Variants in PEMT observed in about 807,000 individuals in gnomAD.
PEMT encodes the protein phospholipid methyltransferase.
In PEMT, 23 loss-of-function variants were observed where a neutral mutation model predicts 27.4. The observed-to-expected ratio is 0.84, with a 90% CI of 0.60 to 1.19. PEMT has a LOEUF of 1.19. Among genes scored for constraint, PEMT ranks in the 50% most tolerant of loss-of-function variants. The pLI is 0.00. For synonymous variants in PEMT, 137 were observed against 139.1 expected (o/e 0.98, Z 0.11); for missense variants, 307 against 310.1 (o/e 0.99, Z 0.07).
intron 3 of PEMT, among the ~76,000 whole-genome samples, chr17:17,520,045 G>A (rs1364439560): frequency 2.0e-5 from 3 of 152,186 alleles, no homozygotes; most frequent in African/African-American, 7.2e-5. Context: ...GCCAGCCCTG[G>A]GCTGAGTCTC....
At chr17:17,525,637 C>A (rs576972032) in intron 2 of PEMT, among the ~76,000 whole-genome samples, 1 of 152,322 alleles carries the variant, frequency 6.6e-6, no homozygotes, top group East Asian at 1.9e-4. Flanking sequence ...CACTCCGTGA[C>A]CCTGGCTCAA....
intron 1 of PEMT, among the ~76,000 whole-genome samples, chr17:17,578,016 C>CAA (rs1332805592): frequency 1.7e-5 from 1 of 60,546 alleles, no homozygotes; most frequent in Non-Finnish European, 3.9e-5. Context: ...GACTCCGTCT[C>CAA]AAAAAAAAAA....
intron 1 of PEMT, among the ~76,000 whole-genome samples, chr17:17,580,371 G>A (rs1468453293): frequency 6.6e-6 from 1 of 152,162 alleles, no homozygotes; most frequent in Non-Finnish European, 1.5e-5. Flanking sequence ...CAGCTACTCG[G>A]GAGGCTGAGG....
intron 2 of PEMT, among the ~76,000 whole-genome samples, chr17:17,525,012 C>A (rs1294160760): frequency 1.3e-5 from 2 of 152,100 alleles, no homozygotes; most frequent in Non-Finnish European, 2.9e-5. Flanking sequence ...GAGGCTGAGG[C>A]AGAAGAATTG....
intron 5 of PEMT, chr17:17,506,860 C>T (rs1305389478): frequency 2.2e-5 from 9 of 409,974 alleles, no homozygotes; most frequent in East Asian, 8.6e-5. Context: ...TAGGAGCTGC[C>T]GCCCCGCCCA....
chr17:17,506,199 GC>G (rs34890050), intron 6 of PEMT, 27 bp downstream of exon 6: 2 of 1,503,314 alleles, frequency 1.3e-6, no homozygotes, highest in Non-Finnish European at 1.8e-6. Flanking sequence ...GGGCAGCCAC[GC>G]CCCCACCCGC....
chr17:17,530,407 A>G (rs1241761369), intron 2 of PEMT, among the ~76,000 whole-genome samples: 1 of 152,166 alleles, frequency 6.6e-6, no homozygotes, highest in African/African-American at 2.4e-5. Flanking sequence ...AGGTGGGAGA[A>G]TCCCTTGAAC....
At chr17:17,507,516 A>G in intron 5 of PEMT, 1 of 366,698 alleles carries the variant, frequency 2.7e-6, no homozygotes, top group South Asian at 5.4e-5. Context: ...GTAAGCAAAG[A>G]TCCAAGCCCA....
In PEMT at chr17:17,586,216, AAAAGAAAGAAAGAAAG is replaced by A. The variant is rs745534134; in HGVS notation, c.96+5299_96+5314del. On this transcript the variant is annotated intron_variant, in intron 1 of 6. Coordinates refer to ENST00000255389, the MANE Select transcript of PEMT (RefSeq NM_148172.3). ...AAGGAAGGAAAGAAAGAAAGAAAGA[AAAAGAAAGAAAGAAAG>A]AAAGAAAGAAAGAAAGAAAGAAAGA... Among the ~76,000 whole-genome samples the A allele has an allele frequency of 5.3e-3, 424 of 79,318 alleles. 4 individuals carry two copies. Among genetic ancestry groups the A allele is most frequent in the African/African-American group, 8.9e-3 (166 of 18,754 alleles). 52.0% of individuals were successfully genotyped at this position (79,318 alleles called of 152,430 possible). A position where few individuals can be genotyped will look rare whatever the true frequency, so the allele number is the denominator to read the frequency against.
intron 1 of PEMT, among the ~76,000 whole-genome samples, chr17:17,583,710 C>G (rs1159669872): frequency 6.6e-6 from 1 of 152,250 alleles, no homozygotes; most frequent in Non-Finnish European, 1.5e-5. Flanking sequence ...GGCTGGCGGC[C>G]CCTCTACTCT....
chr17:17,506,495 T>C (rs1366495630), intron 5 of PEMT, among the ~76,000 whole-genome samples, 194 bp from the exon 6 acceptor site: 1 of 152,190 alleles, frequency 6.6e-6, no homozygotes, highest in Non-Finnish European at 1.5e-5. Flanking sequence ...GTCCCCATGT[T>C]CTCGGTCCTG....
intron 2 of PEMT, among the ~76,000 whole-genome samples, chr17:17,543,608 G>C (rs561744828): frequency 6.6e-6 from 1 of 152,262 alleles, no homozygotes; most frequent in African/African-American, 2.4e-5. Context: ...TGTTACCCCA[G>C]GTGGAGGGCA....
intron 2 of PEMT, among the ~76,000 whole-genome samples, chr17:17,548,170 C>T (rs552542488): frequency 1.3e-5 from 2 of 152,336 alleles, no homozygotes; most frequent in East Asian, 1.9e-4. Flanking sequence ...ATTGTCATGG[C>T]GGCAGTCCAC....
intron 2 of PEMT, among the ~76,000 whole-genome samples, chr17:17,525,020 T>C (rs1409241048): frequency 6.6e-6 from 1 of 152,070 alleles, no homozygotes; most frequent in African/African-American, 2.4e-5. Context: ...GGCAGAAGAA[T>C]TGCTTGAACC....
intron 3 of PEMT, among the ~76,000 whole-genome samples, chr17:17,521,564 TAA>T: frequency 6.7e-6 from 1 of 149,564 alleles, no homozygotes; most frequent in African/African-American, 2.4e-5. Flanking sequence ...AGCTTTCTTT[TAA>T]AAAAAAAAAA....
rs999441369 is a variant in PEMT, at chr17:17,523,590, C to A, written c.205-1195G>T. Among the ~76,000 whole-genome samples the A allele has an allele frequency of 6.6e-6, 1 of 152,134 alleles. No individual in the cohort carries two copies. Among genetic ancestry groups the A allele is most frequent in the South Asian group, 2.1e-4 (1 of 4,822 alleles). ...CCTCAACCAGCTGTTGGCACTGCAGCCAATTCTCCCAGAAGGTAAGCAGGC... is the reference window on the plus strand; with the variant it reads ...CCTCAACCAGCTGTTGGCACTGCAGACAATTCTCCCAGAAGGTAAGCAGGC... On this transcript the variant is annotated intron_variant, in intron 2 of 6. Transcript: ENST00000255389. The surrounding 1 kb of genome is among the most constrained non-coding windows in gnomAD (Gnocchi z 4.8).
intron 3 of PEMT, among the ~76,000 whole-genome samples, chr17:17,518,345 C>G (rs1283411265): frequency 6.6e-6 from 1 of 152,244 alleles, no homozygotes; most frequent in East Asian, 1.9e-4. Context: ...GGGTAGCGGT[C>G]CAGCCAAAGC....
In PEMT at chr17:17,512,627, G is replaced by A; in HGVS notation, c.348C>T (p.Pro116=). 1 of 1,578,758 alleles carries A rather than the reference G, an allele frequency of 6.3e-7. No individual in the cohort carries two copies. Among genetic ancestry groups the A allele is most frequent in the Non-Finnish European group, 8.6e-7 (1 of 1,160,230 alleles). Residue 116 remains proline (P), a synonymous_variant, in exon 4 of 7, where the codon CCC becomes CCT. Transcript: ENST00000255389. This position sits in a 1 kb window ranked among gnomAD's most constrained non-coding sequence, Gnocchi z 6.3. ...CGGGGGTGTCCAGGCTCTCCATCCT[G>A]GGCTGGCTCAGCATGGCCTGCGTGA... ...HCFTQAMLSQ[P]RMESLDTPAA... is the part of the protein sequence containing the mutation.
intron 4 of PEMT, among the ~76,000 whole-genome samples, chr17:17,511,693 C>A (rs895399092): frequency 6.6e-6 from 1 of 152,226 alleles, no homozygotes; most frequent in Non-Finnish European, 1.5e-5. Flanking sequence ...GCGGGCAATG[C>A]GGCCAGCTGG....
Sources: allele counts gnomAD v4.1 joint callset (sites outside exome capture counted in the v4.1 genomes callset), GRCh38; gene constraint gnomAD v4.1.1; non-coding constraint Gnocchi (gnomAD v3.1); transcripts MANE v1.5; gene names NCBI Gene and HGNC (gene_info 2026-07-23, HGNC 2026-07-21).